The following PLET1 variants were observed in gnomAD, a reference collection of about 807,000 sequenced individuals.
The protein encoded by PLET1 is placenta expressed transcript 1, also known as placenta-expressed transcript 1 protein.
Under a neutral mutation model 18.5 loss-of-function variants are expected in PLET1, and 20 were observed. The observed-to-expected ratio is 1.08, with a 90% CI of 0.76 to 1.57. The LOEUF is 1.57. Among genes scored for constraint, PLET1 ranks in the 40% most tolerant of loss-of-function variants. The pLI is 0.00. For synonymous variants in PLET1, 93 were observed against 93.8 expected (o/e 0.99, Z 0.05); for missense variants, 256 against 246.4 (o/e 1.04, Z -0.26).
Position 112,248,681 on chromosome 11 carries a change from G to T in PLET1, c.*118C>A. On this transcript the variant is annotated 3_prime_UTR_variant, in exon 4 of 4. Coordinates refer to ENST00000338832, the MANE Select transcript of PLET1 (RefSeq NM_001145024.1). ...TTTGGTCTGAAGCCGTGGCAGCAAA[G>T]TTGCACATTTGAGAATGTAAAGCCT... is the stretch of plus-strand genomic sequence containing the variant. The T allele has an allele frequency of 8.2e-7, 1 of 1,220,850 alleles. No homozygotes were observed. The highest frequency in any genetic ancestry group is 1.1e-6 in the Non-Finnish European group (1 of 885,770). 75.6% of individuals were successfully genotyped at this position (1,220,850 alleles called of 1,614,324 possible).
chr11:112,255,512 A>G lies in PLET1; in HGVS notation c.262T>C (p.Trp88Arg). 1 of 1,551,788 alleles carries G rather than the reference A, an allele frequency of 6.4e-7. No homozygotes were observed. The highest frequency in any genetic ancestry group is 1.2e-5 in the South Asian group (1 of 84,060). The stretch of plus-strand genomic sequence containing the variant: ...TAGCAATTTTTATCCGCTCTTTGCC[A>G]GAGGCCCGCTGAGTCACTGTTCTCG... The part of the protein sequence containing the change: ...LDENSDSAGL[W>R]QRADKNCYSN... The change falls in exon 2 of 4, where the codon TGG (tryptophan) becomes CGG (arginine). Residue 88 changes from tryptophan (W) to arginine (R), a missense_variant. By Grantham distance (101) the Trp-to-Arg change is moderately radical (BLOSUM62 -3). Coordinates refer to ENST00000338832, the MANE Select transcript of PLET1 (RefSeq NM_001145024.1).
Position 112,248,675 on chromosome 11 carries a change from A to T in PLET1, c.*124T>A. On this transcript the variant is annotated 3_prime_UTR_variant, in exon 4 of 4. Coordinates refer to ENST00000338832, the MANE Select transcript of PLET1 (RefSeq NM_001145024.1). Reference sequence around the variant, plus strand: ...CTTTGTTTTGGTCTGAAGCCGTGGCAGCAAAGTTGCACATTTGAGAATGTA... The same window carrying T: ...CTTTGTTTTGGTCTGAAGCCGTGGCTGCAAAGTTGCACATTTGAGAATGTA... 1 of 1,163,168 alleles carries T rather than the reference A, an allele frequency of 8.6e-7. No individual in the cohort carries two copies. The highest frequency in any genetic ancestry group is 1.2e-6 in the Non-Finnish European group (1 of 834,656). 72.1% of individuals were successfully genotyped at this position (1,163,168 alleles called of 1,614,324 possible).
intron 2 of PLET1, among the ~76,000 whole-genome samples, chr11:112,253,983 G>A (rs868396258): frequency 6.6e-6 from 1 of 152,180 alleles, no homozygotes; most frequent in African/African-American, 2.4e-5. Context: ...AGTCTAATGC[G>A]ATTCCAGGTG....
At position 112,255,331 on chromosome 11, in the gene PLET1, T is replaced by C. The variant is rs935726218; in HGVS notation, c.386+57A>G. 6 of 1,499,616 alleles carry C rather than the reference T, an allele frequency of 4.0e-6. No individual in the cohort carries two copies. The African/African-American group carries it at 7.0e-5, about 17-fold the overall frequency. The allele number at this position is 1,499,616 out of a possible 1,614,324, so 92.9% of individuals were successfully genotyped here. A position where few individuals can be genotyped will look rare whatever the true frequency, so the allele number is the denominator to read the frequency against. On this transcript the variant is annotated intron_variant, in intron 2 of 3. Transcript: ENST00000338832. ...AAGTCCTCCTAGCTTAGTGTAAAAC[T>C]GCATAAACCCAATATGAAAATTTTA...
At chr11:112,249,312 G>T (rs546038998) in intron 3 of PLET1, among the ~76,000 whole-genome samples, 6 of 152,272 alleles carry the variant, frequency 3.9e-5, no homozygotes, top group African/African-American at 1.4e-4. Context: ...ATGTAATCTT[G>T]TCTTTAATAG....
intron 1 of PLET1, among the ~76,000 whole-genome samples, chr11:112,257,878 C>T (rs1431843600): frequency 1.3e-5 from 2 of 152,186 alleles, no homozygotes; most frequent in Non-Finnish European, 2.9e-5. Context: ...CCCCAGAAGT[C>T]CTGAGTTCTG....
chr11:112,257,347 A>G (rs985337622), intron 1 of PLET1, among the ~76,000 whole-genome samples: 5 of 147,786 alleles, frequency 3.4e-5, no homozygotes, highest in Admixed American at 2.1e-4. Flanking sequence ...CTCTGGACCA[A>G]TTTATCCCTT....
chr11:112,258,959 C>A (rs1193487310), intron 1 of PLET1, among the ~76,000 whole-genome samples: 2 of 152,096 alleles, frequency 1.3e-5, no homozygotes, highest in Non-Finnish European at 2.9e-5. Flanking sequence ...GTGGTCTTTG[C>A]AAAAGTTAGA....
In PLET1 at chr11:112,252,522, G is replaced by A. The variant is rs575087359; in HGVS notation, c.387-113C>T. The A allele has an allele frequency of 7.6e-5, 67 of 883,342 alleles. No homozygotes were observed. In the East Asian group the frequency reaches 1.1e-3, roughly 14 times the overall value. 54.7% of individuals were successfully genotyped at this position (883,342 alleles called of 1,614,324 possible). Reference sequence around the variant, plus strand: ...TTAATTCCTTTTGTGCTTACTTTCTGTATGGCACAATGAGCAGATCATTAA... The same window carrying A: ...TTAATTCCTTTTGTGCTTACTTTCTATATGGCACAATGAGCAGATCATTAA... On this transcript the variant is annotated intron_variant, in intron 2 of 3. Coordinates refer to ENST00000338832, the MANE Select transcript of PLET1 (RefSeq NM_001145024.1).
chr11:112,260,556 G>A lies in PLET1; in HGVS notation c.34C>T (p.Leu12=). The A allele has an allele frequency of 1.3e-6, 2 of 1,551,628 alleles. No homozygotes were observed. The highest frequency in any genetic ancestry group is 1.7e-6 in the Non-Finnish European group (2 of 1,146,966). ...AGACTGAGGCACAGAAACATCCCCA[G>A]TGGCTGCAGCAGCATGTCATGGAAG... is the stretch of plus-strand genomic sequence containing the variant. ...AVFHDMLLQP[L]GMFLCLSLQL... is the part of the protein sequence containing the mutation. The change falls in exon 1 of 4, where the codon CTG becomes TTG. Residue 12 remains leucine (L), a synonymous_variant. Transcript: ENST00000338832.
rs550034817 is a variant in PLET1, at chr11:112,255,678, T to G, written c.185-89A>C. On this transcript the variant is annotated intron_variant, in intron 1 of 3. Transcript: ENST00000338832. ...AGGGCAGTGAAATCAAAACAAAGCG[T>G]GAAACAAGAAAGTTACAAAGAATAT... 2.2e-5 allele frequency: 26 copies of G among 1,165,972 alleles called. No individual in the cohort carries two copies. The African/African-American group carries it at 4.0e-4, about 18-fold the overall frequency. 72.2% of individuals were successfully genotyped at this position (1,165,972 alleles called of 1,614,324 possible).
intron 1 of PLET1, 84 bp downstream of exon 1, chr11:112,260,322 G>T: frequency 7.9e-7 from 1 of 1,265,796 alleles, no homozygotes. Context: ...ATAATTGAGA[G>T]TAGCGATAGA....
In PLET1 at chr11:112,260,720, A is replaced by T; in HGVS notation, c.-131T>A. On this transcript the variant is annotated 5_prime_UTR_variant, in exon 1 of 4. An upstream start codon of the reference 5' UTR is lost. Coordinates refer to ENST00000338832, the MANE Select transcript of PLET1 (RefSeq NM_001145024.1). ...TTCTCCCTGCCCCTTCTGAATATAC[A>T]TTGGATTCTGGAATTTGGCCCAAGA... is the stretch of plus-strand genomic sequence containing the variant. 1 of 777,488 alleles carries T rather than the reference A, an allele frequency of 1.3e-6. No individual in the cohort carries two copies. The highest frequency in any genetic ancestry group is 2.0e-5 in the South Asian group (1 of 50,324). 48.2% of individuals were successfully genotyped at this position (777,488 alleles called of 1,614,324 possible).
chr11:112,252,572 A>G (rs753372318), intron 2 of PLET1, among the ~76,000 whole-genome samples, 163 bp from the exon 3 acceptor site: 1 of 152,156 alleles, frequency 6.6e-6, no homozygotes, highest in Non-Finnish European at 1.5e-5. Context: ...TTGATTGATA[A>G]GATCCTCCAC....
At chr11:112,254,966 G>A (rs575947459) in intron 2 of PLET1, among the ~76,000 whole-genome samples, 85 of 34,968 alleles carry the variant, frequency 2.4e-3, no homozygotes, top group African/African-American at 5.1e-3. Context: ...TGATATGTAT[G>A]TGAGTGTGGT....
At chr11:112,253,881 A>G (rs1157642010) in intron 2 of PLET1, among the ~76,000 whole-genome samples, 3 of 152,196 alleles carry the variant, frequency 2.0e-5, no homozygotes, top group Non-Finnish European at 4.4e-5. Flanking sequence ...TCAGTACAGA[A>G]TGGAATCTGA....
intron 3 of PLET1, among the ~76,000 whole-genome samples, chr11:112,250,189 T>C (rs945217145): frequency 2.1e-5 from 3 of 142,724 alleles, no homozygotes; most frequent in African/African-American, 7.7e-5. Context: ...TTTGTTAGCC[T>C]GGAGCTAACG....
At chr11:112,255,884 C>A (rs1486352005) in intron 1 of PLET1, among the ~76,000 whole-genome samples, 1 of 152,126 alleles carries the variant, frequency 6.6e-6, no homozygotes, top group Non-Finnish European at 1.5e-5. Context: ...AAAGAAGACC[C>A]ATACTCAGCT....
At chr11:112,255,273 T>C in intron 2 of PLET1, 115 bp downstream of exon 2, 1 of 1,088,718 alleles carries the variant, frequency 9.2e-7, no homozygotes, top group South Asian at 1.4e-5. Flanking sequence ...GTGCGACTGC[T>C]GAGTTCTCCA....
Sources: allele counts gnomAD v4.1 joint callset (sites outside exome capture counted in the v4.1 genomes callset), GRCh38; gene constraint gnomAD v4.1.1; transcripts MANE v1.5; gene names NCBI Gene and HGNC (gene_info 2026-07-23, HGNC 2026-07-21).